Variants in ATP2A2 observed in about 807,000 individuals in gnomAD.
The protein encoded by ATP2A2 is sarcoplasmic/endoplasmic reticulum calcium ATPase 2.
A neutral mutation model predicts 109.3 loss-of-function variants in ATP2A2; 14 were observed. The observed-to-expected ratio is 0.13, with a 90% CI of 0.08 to 0.20. The LOEUF (loss-of-function observed/expected upper bound fraction) is 0.20. Among genes scored for constraint, ATP2A2 ranks in the 10% least tolerant of loss-of-function variants. The probability of loss-of-function intolerance (pLI) is 1.00; values close to 1 mark genes in which losing one functional copy is unlikely to be tolerated. For synonymous variants in ATP2A2, 506 were observed against 490.9 expected, an observed-to-expected ratio of 1.03 and a Z score of -0.41; for missense variants, 657 against 1,321.6, an observed-to-expected ratio of 0.50 and a Z score of 7.80.
In ATP2A2 at chr12:110,342,097, T is replaced by G; in HGVS notation, c.2098-131T>G. On this transcript the variant is annotated intron_variant, in intron 14 of 19. Coordinates refer to ENST00000539276, the MANE Select transcript of ATP2A2 (RefSeq NM_170665.4). The surrounding 1 kb of genome is among the most constrained non-coding windows in gnomAD (Gnocchi z 4.6). ...GTGACACCAACTTATGAAACAAAAA[T>G]TCTAAAACTCTTTGCCAAGAGACCT... The G allele has an allele frequency of 9.7e-7, 1 of 1,036,124 alleles. No individual in the cohort carries two copies. Among genetic ancestry groups the G allele is most frequent in the East Asian group, 2.5e-5 (1 of 39,998 alleles). The allele number at this position is 1,036,124 out of a possible 1,614,324, so 64.2% of individuals were successfully genotyped here.
intron 5 of ATP2A2, among the ~76,000 whole-genome samples, chr12:110,308,213 C>A (rs1208768074): frequency 6.6e-6 from 1 of 152,054 alleles, no homozygotes; most frequent in East Asian, 1.9e-4. Flanking sequence ...GTCTGGATGC[C>A]CTTTATTTCT....
chr12:110,347,046 C>CT lies in ATP2A2; in HGVS notation c.*578dup. On this transcript the variant is annotated 3_prime_UTR_variant, in exon 20 of 20. Transcript: ENST00000539276. ...CCCACCCCACCCCACCTCTCCCCAC[C>CT]TTACCCCCGCCCCGCTTGGCTTCTT... The CT allele has an allele frequency of 9.2e-7, 1 of 1,085,042 alleles. No homozygotes were observed. The highest frequency in any genetic ancestry group is 1.1e-6 in the Non-Finnish European group (1 of 890,908). 67.2% of individuals were successfully genotyped at this position (1,085,042 alleles called of 1,614,324 possible).
intron 5 of ATP2A2, among the ~76,000 whole-genome samples, chr12:110,306,249 C>T (rs1875314710): frequency 1.3e-5 from 2 of 152,214 alleles, no homozygotes; most frequent in South Asian, 4.1e-4. Context: ...CCATGTTAGC[C>T]AGGATGGTCT....
intron 5 of ATP2A2, among the ~76,000 whole-genome samples, chr12:110,318,311 G>A (rs1876880139): frequency 6.6e-6 from 1 of 152,184 alleles, no homozygotes; most frequent in East Asian, 1.9e-4. Context: ...CAAAAGGAAT[G>A]TAACAGTCAC....
intron 5 of ATP2A2, among the ~76,000 whole-genome samples, chr12:110,305,589 T>C (rs1372535161): frequency 6.6e-6 from 1 of 152,260 alleles, no homozygotes; most frequent in Non-Finnish European, 1.5e-5. Context: ...ACTCTATTCT[T>C]ACTCCATTGA....
intron 8 of ATP2A2, chr12:110,330,310 T>G (rs942184486): frequency 2.6e-5 from 4 of 152,208 alleles, no homozygotes; most frequent in African/African-American, 9.6e-5. Flanking sequence ...AACCCACATT[T>G]AGAATTGACA....
At position 110,348,423 on chromosome 12, in the gene ATP2A2, A is replaced by G. The variant is rs923186238; in HGVS notation, c.*1953A>G. On this transcript the variant is annotated 3_prime_UTR_variant, in exon 20 of 20. Transcript: ENST00000539276. The stretch of plus-strand genomic sequence containing the variant: ...CGACTATATTCTTCAAAATGTACTT[A>G]GGCTCTGGTTACTGGGATGGCCAGT... The G allele has an allele frequency of 2.0e-6, 2 of 985,410 alleles. No individual in the cohort carries two copies. Among genetic ancestry groups the G allele is most frequent in the East Asian group, 2.3e-4 (2 of 8,828 alleles). 61.0% of individuals were successfully genotyped at this position (985,410 alleles called of 1,614,324 possible).
intron 5 of ATP2A2, among the ~76,000 whole-genome samples, chr12:110,301,797 A>C (rs73206855): frequency 6.4e-4 from 97 of 152,288 alleles, no homozygotes; most frequent in Non-Finnish European, 8.1e-4. Flanking sequence ...GCTTTCTTCT[A>C]TGATTTCATC....
chr12:110,313,749 C>T (rs1419811860), intron 5 of ATP2A2, among the ~76,000 whole-genome samples: 8 of 139,006 alleles, frequency 5.8e-5, no homozygotes, highest in African/African-American at 1.6e-4. Context: ...TCGGCTCTGT[C>T]ACCCAGGCTG....
At chr12:110,320,533 T>G (rs1197022096) in intron 5 of ATP2A2, among the ~76,000 whole-genome samples, 1 of 152,204 alleles carries the variant, frequency 6.6e-6, no homozygotes, top group Non-Finnish European at 1.5e-5. Flanking sequence ...CAGGCAGAAA[T>G]AGTGCAGTAT....
intron 11 of ATP2A2, among the ~76,000 whole-genome samples, chr12:110,334,676 C>T (rs978987636): frequency 2.0e-5 from 3 of 151,540 alleles, no homozygotes; most frequent in African/African-American, 7.3e-5. Flanking sequence ...CAACCTCCAC[C>T]TCCCAGGTTC....
chr12:110,300,065 T>A (rs1480253850), intron 5 of ATP2A2, among the ~76,000 whole-genome samples: 3 of 150,342 alleles, frequency 2.0e-5, no homozygotes, highest in African/African-American at 7.4e-5. Context: ...CTAAAGCAGC[T>A]CCTTCCGTCA....
At position 110,303,687 on chromosome 12, in the gene ATP2A2, T is replaced by G. The variant is rs138536004; in HGVS notation, c.463+6950T>G. Among the ~76,000 whole-genome samples the G allele has an allele frequency of 5.6e-3, 846 of 152,230 alleles. 4 individuals carry two copies. Among genetic ancestry groups the G allele is most frequent in the Non-Finnish European group, 9.1e-3 (616 of 68,024 alleles). On this transcript the variant is annotated intron_variant, in intron 5 of 19. Coordinates refer to ENST00000539276, the MANE Select transcript of ATP2A2 (RefSeq NM_170665.4). ...GGCCTCCCAAAGTGCTGGGATTGAT[T>G]ACAGGCATGAGCCACCGCGCCCAGC...
chr12:110,289,268 G>A (rs929300235), intron 3 of ATP2A2, among the ~76,000 whole-genome samples: 11 of 152,144 alleles, frequency 7.2e-5, no homozygotes, highest in African/African-American at 1.4e-4. Context: ...CAAGTTGAGC[G>A]ATTTTTCTCC....
rs1426227909 is a variant in ATP2A2, at chr12:110,346,550, G to C, written c.*80G>C. ...TTTAAAGCAACTGTCTATTTCTGCT[G>C]AATTTTCACATGAACATACTGGCTG... is the stretch of plus-strand genomic sequence containing the variant. On this transcript the variant is annotated 3_prime_UTR_variant, in exon 20 of 20. Transcript: ENST00000539276. The C allele has an allele frequency of 6.3e-7, 1 of 1,580,896 alleles. No individual in the cohort carries two copies. Among genetic ancestry groups the C allele is most frequent in the Non-Finnish European group, 8.6e-7 (1 of 1,166,680 alleles).
chr12:110,334,955 G>A (rs1878700055), intron 11 of ATP2A2, among the ~76,000 whole-genome samples: 2 of 152,116 alleles, frequency 1.3e-5, no homozygotes, highest in Non-Finnish European at 2.9e-5. Context: ...TGTGGTGATG[G>A]TGGTGGCAGT....
At chr12:110,334,819 C>A (rs1425102558) in intron 11 of ATP2A2, among the ~76,000 whole-genome samples, 3 of 152,044 alleles carry the variant, frequency 2.0e-5, no homozygotes, top group Non-Finnish European at 4.4e-5. Flanking sequence ...AACTCCTGAC[C>A]TCAGGTGATC....
intron 5 of ATP2A2, 149 bp from the exon 6 acceptor site, chr12:110,322,843 A>G (rs993811441): frequency 1.5e-6 from 1 of 689,146 alleles, no homozygotes; most frequent in East Asian, 2.8e-5. Context: ...TAGGTTGATC[A>G]CTTTGCTTGT....
Position 110,281,798 on chromosome 12 carries a change from C to A in ATP2A2, c.9C>A (p.Asn3Lys), listed in dbSNP as rs866739716. The change falls in exon 1 of 20, where the codon AAC becomes AAA. Residue 3 changes from asparagine (N) to lysine (K), a missense_variant. Asn to Lys is a moderately conservative substitution (Grantham distance 94, BLOSUM62 0). This residue lies in a region of ATP2A2 where 64 missense variants were observed against 65.4 expected (regional missense o/e 0.98). Coordinates refer to ENST00000539276, the MANE Select transcript of ATP2A2 (RefSeq NM_170665.4). ME[N>K]AHTKTVEEVL... ...GCCGGGCCCCCGAAGCCATGGAGAA[C>A]GCGCACACCAAGACGGTGGAGGAGG... is the stretch of plus-strand genomic sequence containing the variant. 1.3e-6 allele frequency: 2 copies of A among 1,520,674 alleles called. No homozygotes were observed. Among genetic ancestry groups the A allele is most frequent in the African/African-American group, 1.4e-5 (1 of 70,092 alleles). The allele number at this position is 1,520,674 out of a possible 1,614,324, so 94.2% of individuals were successfully genotyped here.
Sources: gnomAD v4.1 joint callset for allele counts (sites outside exome capture counted in the v4.1 genomes callset) on GRCh38, gnomAD v4.1.1 for gene constraint, gnomAD v4.1.1 regional missense constraint, Gnocchi (gnomAD v3.1) non-coding constraint, MANE v1.5 for transcripts, NCBI Gene and HGNC (gene_info 2026-07-23, HGNC 2026-07-21) for gene names.